Variants in RADIL observed in about 807,000 individuals in gnomAD.
The protein encoded by RADIL is ras-associating and dilute domain-containing protein.
RADIL carries 99 observed loss-of-function variants against 97.6 expected under a neutral mutation model. That is an observed-to-expected ratio of 1.01 (90% CI 0.86 to 1.20). RADIL has a LOEUF of 1.20. RADIL is among the 50% of genes most tolerant of loss of function. The pLI, the probability that RADIL is intolerant of heterozygous loss-of-function variation, is 0.00. For synonymous variants in RADIL, 803 were observed against 691.8 expected, an observed-to-expected ratio of 1.16 and a Z score of -2.52; for missense variants, 1,765 against 1,498.9, an observed-to-expected ratio of 1.18 and a Z score of -2.93.
chr7:4,832,946 C>A (rs928139804), intron 4 of RADIL, among the ~76,000 whole-genome samples: 2 of 152,122 alleles, frequency 1.3e-5, no homozygotes, highest in Non-Finnish European at 2.9e-5. Flanking sequence ...CAGCACCCAG[C>A]GGAGGCTTCG....
chr7:4,806,321 T>TTTTTTG (rs200851652), intron 9 of RADIL, among the ~76,000 whole-genome samples: 4,496 of 152,042 alleles, frequency 0.03, 88 homozygotes, highest in Middle Eastern at 0.051. Context: ...AGCTCATTAG[T>TTTTTTG]TTTTTGTTTT....
In RADIL at chr7:4,872,076, A is replaced by T. The variant is rs535830672; in HGVS notation, c.535+5529T>A. Among the ~76,000 whole-genome samples, 14 of 152,198 alleles carry T rather than the reference A, an allele frequency of 9.2e-5. No individual in the cohort carries two copies. The highest frequency in any genetic ancestry group is 3.3e-4 in the Admixed American group (5 of 15,284). ...CCCCTCCGAGAGTGGCCCAGGAGAA[A>T]CAAATGTCGCCACTGTGGATCAGGC... On this transcript the variant is annotated intron_variant, in intron 2 of 14. Coordinates refer to ENST00000399583, the MANE Select transcript of RADIL (RefSeq NM_018059.5). This position sits in a 1 kb window ranked among gnomAD's most constrained non-coding sequence, Gnocchi z 5.8.
At chr7:4,863,531 A>C (rs1237458742) in intron 2 of RADIL, among the ~76,000 whole-genome samples, 1 of 152,208 alleles carries the variant, frequency 6.6e-6, no homozygotes, top group Non-Finnish European at 1.5e-5. Flanking sequence ...GTTCTTGTAC[A>C]CTATAGAATT....
At chr7:4,859,889 G>C (rs868347077) in intron 2 of RADIL, 4 of 1,569,262 alleles carry the variant, frequency 2.5e-6, no homozygotes, top group Middle Eastern at 1.7e-4. Context: ...ATATCCTCTA[G>C]ACTCCAACTA....
At position 4,850,216 on chromosome 7, in the gene RADIL, T is replaced by TAAAAAAAAAAAAAAAAAAAAAAAAAAAA. The variant is rs34276261; in HGVS notation, c.536-13612_536-13611insTTTTTTTTTTTTTTTTTTTTTTTTTTTT. On this transcript the variant is annotated intron_variant, in intron 2 of 14. Transcript: ENST00000399583. Reference sequence around the variant, plus strand: ...ACCCACACTACACAGACGATCCCTTTAAAAAAAAAAAAAAAAAAAAAACCT... The same window carrying TAAAAAAAAAAAAAAAAAAAAAAAAAAAA: ...ACCCACACTACACAGACGATCCCTTTAAAAAAAAAAAAAAAAAAAAAAAAAAAAAAAAAAAAAAAAAAAAAAAAAACCT... Among the ~76,000 whole-genome samples, 2 of 88,034 alleles carry TAAAAAAAAAAAAAAAAAAAAAAAAAAAA rather than the reference T, an allele frequency of 2.3e-5. 1 individual carries two copies. Among genetic ancestry groups the TAAAAAAAAAAAAAAAAAAAAAAAAAAAA allele is most frequent in the Non-Finnish European group, 4.3e-5 (2 of 46,460 alleles). The allele number at this position is 88,034 out of a possible 152,430, so 57.8% of individuals were successfully genotyped here.
At position 4,865,009 on chromosome 7, in the gene RADIL, G is replaced by T. The variant is rs528772218; in HGVS notation, c.535+12596C>A. ...TTCTGCAACTTTCCCCTCTGCACCA[G>T]CTGCAATGGCCTTCTTGCAGTGCCT... is the stretch of plus-strand genomic sequence containing the variant. On this transcript the variant is annotated intron_variant, in intron 2 of 14. Transcript: ENST00000399583. Among the ~76,000 whole-genome samples, 11 of 152,280 alleles carry T rather than the reference G, an allele frequency of 7.2e-5. No individual in the cohort carries two copies. In the South Asian group the frequency reaches 2.3e-3, roughly 32 times the overall value.
chr7:4,841,622 C>T (rs1180987812), intron 2 of RADIL, among the ~76,000 whole-genome samples: 2 of 152,206 alleles, frequency 1.3e-5, no homozygotes, highest in African/African-American at 4.8e-5. Context: ...AGCAACCCAG[C>T]CCAGGAATAA....
In RADIL at chr7:4,814,500, T is replaced by C. The variant is rs1583274966; in HGVS notation, c.2139+778A>G. Among the ~76,000 whole-genome samples, 1 of 151,896 alleles carries C rather than the reference T, an allele frequency of 6.6e-6. No homozygotes were observed. On this transcript the variant is annotated intron_variant, in intron 9 of 14. Coordinates refer to ENST00000399583, the MANE Select transcript of RADIL (RefSeq NM_018059.5). The surrounding 1 kb of genome is among the most constrained non-coding windows in gnomAD (Gnocchi z 4.5). ...CAGGCAGGAGAGGAAACCATCGGTC[T>C]ATTTCCATTAATTACCTGTGATGAC...
intron 2 of RADIL, among the ~76,000 whole-genome samples, chr7:4,851,153 C>T (rs779915717): frequency 5.3e-5 from 8 of 150,850 alleles, no homozygotes; most frequent in Middle Eastern, 3.4e-3. Context: ...TGCAGTGAGC[C>T]GAGCTCATGC....
chr7:4,835,835 G>A lies in RADIL; in HGVS notation c.783+523C>T, dbSNP rs796940173. Among the ~76,000 whole-genome samples, 37 of 152,368 alleles carry A rather than the reference G, an allele frequency of 2.4e-4. No homozygotes were observed. The highest frequency in any genetic ancestry group is 8.4e-4 in the African/African-American group (35 of 41,598). On this transcript the variant is annotated intron_variant, in intron 3 of 14. Coordinates refer to ENST00000399583, the MANE Select transcript of RADIL (RefSeq NM_018059.5). The surrounding 1 kb of genome is among the most constrained non-coding windows in gnomAD (Gnocchi z 5.8). The stretch of plus-strand genomic sequence containing the variant: ...GCAAGTGTCCGGCAAGGTGAGGCGA[G>A]GTGGCCCTGCGCCTGGCATTTGCTC...
At chr7:4,875,010 G>C (rs1583328511) in intron 2 of RADIL, among the ~76,000 whole-genome samples, 1 of 151,614 alleles carries the variant, frequency 6.6e-6, no homozygotes, top group Non-Finnish European at 1.5e-5. Context: ...GGCTAACACG[G>C]TGAAACCCCG....
chr7:4,845,990 C>T (rs566415377), intron 2 of RADIL, among the ~76,000 whole-genome samples: 2 of 152,144 alleles, frequency 1.3e-5, no homozygotes, highest in African/African-American at 2.4e-5. Flanking sequence ...CGGTGACCAG[C>T]GAAGCACAGT....
chr7:4,807,032 T>C (rs369425259), intron 9 of RADIL, among the ~76,000 whole-genome samples: 1 of 152,272 alleles, frequency 6.6e-6, no homozygotes, highest in African/African-American at 2.4e-5. Context: ...CTCTGGAGAC[T>C]GCCTGCACCT....
In RADIL at chr7:4,829,407, C is replaced by T. The variant is rs140641474; in HGVS notation, c.1454+2734G>A. On this transcript the variant is annotated intron_variant, in intron 5 of 14. Transcript: ENST00000399583. The stretch of plus-strand genomic sequence containing the variant: ...GTTCGGAGCTCAGCTCTCCCTGGGC[C>T]GGGCAGTGGGGATGCTGGGGACTCC... Among the ~76,000 whole-genome samples, 18 of 152,248 alleles carry T rather than the reference C, an allele frequency of 1.2e-4. 1 individual carries two copies. Among genetic ancestry groups the T allele is most frequent in the Middle Eastern group, 3.4e-3 (1 of 294 alleles).
rs1031198107 is a variant in RADIL, at chr7:4,842,356, A to G, written c.536-5751T>C. ...CCTGGGCCAAGCCGAGCTGCTGAGC[A>G]CATCCTCATCTCCAAGGTGAGAAAC... On this transcript the variant is annotated intron_variant, in intron 2 of 14. Coordinates refer to ENST00000399583, the MANE Select transcript of RADIL (RefSeq NM_018059.5). This position sits in a 1 kb window ranked among gnomAD's most constrained non-coding sequence, Gnocchi z 4.5. Among the ~76,000 whole-genome samples the G allele has an allele frequency of 6.6e-6, 1 of 152,166 alleles. No individual in the cohort carries two copies. The highest frequency in any genetic ancestry group is 1.5e-5 in the Non-Finnish European group (1 of 68,010).
At chr7:4,823,132 A>T (rs2969500) in intron 5 of RADIL, among the ~76,000 whole-genome samples, 1 of 152,158 alleles carries the variant, frequency 6.6e-6, no homozygotes, top group East Asian at 2.0e-4. Flanking sequence ...GCAAAGCATG[A>T]GATTTGAAGA....
chr7:4,847,795 A>C (rs952840781), intron 2 of RADIL, among the ~76,000 whole-genome samples: 3 of 151,260 alleles, frequency 2.0e-5, no homozygotes, highest in East Asian at 1.9e-4. Flanking sequence ...TATATACGAA[A>C]TATCTGGAAA....
chr7:4,815,246 C>T lies in RADIL; in HGVS notation c.2139+32G>A. The T allele has an allele frequency of 6.7e-7, 1 of 1,502,452 alleles. No homozygotes were observed. The allele number at this position is 1,502,452 out of a possible 1,614,324, so 93.1% of individuals were successfully genotyped here. A position where few individuals can be genotyped will look rare whatever the true frequency, so the allele number is the denominator to read the frequency against. On this transcript the variant is annotated intron_variant, in intron 9 of 14. Coordinates refer to ENST00000399583, the MANE Select transcript of RADIL (RefSeq NM_018059.5). The surrounding 1 kb of genome is among the most constrained non-coding windows in gnomAD (Gnocchi z 8.0). ...CCACAGCATGTGGCCCCGCCCCTCC[C>T]CACACTCGCCGCCTCCCATGCGCAC...
chr7:4,822,544 T>C lies in RADIL; in HGVS notation c.1465A>G (p.Ile489Val), dbSNP rs775711356. Residue 489 changes from isoleucine to valine, a missense_variant, in exon 6 of 15, where the codon ATC becomes GTC. Ile to Val is a conservative substitution (Grantham distance 29, BLOSUM62 3). Coordinates refer to ENST00000399583, the MANE Select transcript of RADIL (RefSeq NM_018059.5). The surrounding 1 kb of genome is among the most constrained non-coding windows in gnomAD (Gnocchi z 5.3). ...AEKQAQLQEP[I>V]SLASCAMADL... is the part of the protein sequence containing the mutation. ...GCCATGGCGCAGCTGGCCAGCGAGA[T>C]GGGCTCCTGGCTACCAAGACAGAAA... 34 of 1,612,706 alleles carry C rather than the reference T, an allele frequency of 2.1e-5. No individual in the cohort carries two copies. The African/African-American group carries it at 4.0e-4, about 19-fold the overall frequency.
Sources: allele counts gnomAD v4.1 joint callset (sites outside exome capture counted in the v4.1 genomes callset), GRCh38; gene constraint gnomAD v4.1.1; non-coding constraint Gnocchi (gnomAD v3.1); transcripts MANE v1.5; gene names NCBI Gene and HGNC (gene_info 2026-07-23, HGNC 2026-07-21).